Variants in TTLL5 observed in about 807,000 individuals in gnomAD.
TTLL5 encodes tubulin polyglutamylase TTLL5.
Under a neutral mutation model 168.4 loss-of-function variants are expected in TTLL5, and 132 were observed. That is an observed-to-expected ratio of 0.78 (90% confidence interval 0.68 to 0.91). The LOEUF is 0.91. Among genes scored for constraint, TTLL5 ranks in the 40% least tolerant of loss-of-function variants. The pLI is 0.00. For synonymous variants in TTLL5, 546 were observed against 558.6 expected, an observed-to-expected ratio of 0.98 and a Z score of 0.32; for missense variants, 1,545 against 1,581.5, an observed-to-expected ratio of 0.98 and a Z score of 0.39.
intron 31 of TTLL5, among the ~76,000 whole-genome samples, chr14:75,914,033 A>ATATATATATATATATATATATATATAT (rs1555356334): frequency 2.8e-5 from 2 of 71,118 alleles, no homozygotes; most frequent in African/African-American, 3.1e-4. Flanking sequence ...AAAAAAAAAA[A>ATATATATATATATATATATATATATAT]ATATATATAT....
At chr14:75,893,351 G>A (rs2032495196) in intron 30 of TTLL5, among the ~76,000 whole-genome samples, 1 of 152,178 alleles carries the variant, frequency 6.6e-6, no homozygotes, top group Non-Finnish European at 1.5e-5. Context: ...ATTAAGCGTA[G>A]AGAGAAGTCT....
chr14:75,911,397 A>G (rs1349608118), intron 31 of TTLL5, among the ~76,000 whole-genome samples: 1 of 152,178 alleles, frequency 6.6e-6, no homozygotes, highest in Non-Finnish European at 1.5e-5. Flanking sequence ...CTTCGCTATA[A>G]TAAAACATAG....
intron 15 of TTLL5, among the ~76,000 whole-genome samples, chr14:75,742,059 CCT>C (rs1889307884): frequency 6.6e-6 from 1 of 151,874 alleles, no homozygotes. Flanking sequence ...TGATTTGACC[CCT>C]GTTCTTTTAA....
At chr14:75,830,841 C>G (rs1156722607) in intron 28 of TTLL5, among the ~76,000 whole-genome samples, 1 of 152,172 alleles carries the variant, frequency 6.6e-6, no homozygotes, top group Non-Finnish European at 1.5e-5. Flanking sequence ...TCACACAGGG[C>G]TCAGTTTATT....
At chr14:75,920,695 G>T (rs2033795524) in intron 31 of TTLL5, among the ~76,000 whole-genome samples, 1 of 152,156 alleles carries the variant, frequency 6.6e-6, no homozygotes, top group Admixed American at 6.5e-5. Context: ...TGTGAATAGT[G>T]CTGCAGTAAA....
chr14:75,951,750 C>T (rs1358044384), intron 31 of TTLL5, among the ~76,000 whole-genome samples: 2 of 152,188 alleles, frequency 1.3e-5, no homozygotes, highest in East Asian at 1.9e-4. Context: ...GGCGACAGAG[C>T]GAAACCCTGT....
intron 3 of TTLL5, among the ~76,000 whole-genome samples, chr14:75,675,144 A>G (rs1265400323): frequency 6.6e-6 from 1 of 152,224 alleles, no homozygotes; most frequent in Non-Finnish European, 1.5e-5. Context: ...AATTTAAATT[A>G]ACTAAAGTTA....
chr14:75,880,129 C>G (rs980237856), intron 29 of TTLL5, among the ~76,000 whole-genome samples: 2 of 151,852 alleles, frequency 1.3e-5, no homozygotes, highest in Non-Finnish European at 2.9e-5. Context: ...TTGTTCTGTG[C>G]AGATACTAGG....
At chr14:75,895,525 T>C (rs910791154) in intron 30 of TTLL5, among the ~76,000 whole-genome samples, 1 of 151,892 alleles carries the variant, frequency 6.6e-6, no homozygotes, top group Non-Finnish European at 1.5e-5. Context: ...GAGGTTTTTT[T>C]TTAAAAAAAA....
intron 12 of TTLL5, among the ~76,000 whole-genome samples, chr14:75,723,372 T>G (rs1223490839): frequency 6.6e-6 from 1 of 152,158 alleles, no homozygotes; most frequent in Admixed American, 6.5e-5. Flanking sequence ...ATGGATCTGG[T>G]TTGGTAATGG....
chr14:75,890,213 T>C (rs2032333037), intron 30 of TTLL5, among the ~76,000 whole-genome samples: 1 of 152,180 alleles, frequency 6.6e-6, no homozygotes, highest in Admixed American at 6.5e-5. Context: ...GGCCGCATAT[T>C]TGTCATAACT....
intron 21 of TTLL5, among the ~76,000 whole-genome samples, chr14:75,773,078 C>T (rs925723788): frequency 1.3e-5 from 2 of 152,102 alleles, no homozygotes; most frequent in Non-Finnish European, 2.9e-5. Context: ...AATTTTTAGT[C>T]CTCCACATAC....
chr14:75,745,506 G>T lies in TTLL5; in HGVS notation c.1412G>T (p.Arg471Met). Residue 471 changes from arginine to methionine, a missense_variant, in exon 17 of 32, where the codon AGG (arginine) becomes ATG (methionine). Arg to Met is a moderately conservative substitution (Grantham distance 91). Transcript: ENST00000298832. ...TTCATCTAGATCAAAGTTTTACGAA[G>T]GGTGAAGGAGGAGAATGATCGGCGA... is the stretch of plus-strand genomic sequence containing the variant. ...LSMEEIKVLR[R>M]VKEENDRRGG... 6.2e-7 allele frequency: 1 copy of T among 1,613,940 alleles called. No individual in the cohort carries two copies.
At chr14:75,922,601 C>A (rs2033865972) in intron 31 of TTLL5, among the ~76,000 whole-genome samples, 1 of 152,110 alleles carries the variant, frequency 6.6e-6, no homozygotes, top group Non-Finnish European at 1.5e-5. Context: ...GGTGGATAAG[C>A]TTTTTGATGT....
At chr14:75,696,248 C>G (rs898798447) in intron 6 of TTLL5, among the ~76,000 whole-genome samples, 47 of 152,170 alleles carry the variant, frequency 3.1e-4, no homozygotes, top group Middle Eastern at 3.4e-3. Context: ...TTTTATAACT[C>G]TCATTGCCTG....
At chr14:75,799,583 G>A (rs61980810) in intron 27 of TTLL5, among the ~76,000 whole-genome samples, 15,280 of 152,170 alleles carry the variant, frequency 0.1, 935 homozygotes, top group Non-Finnish European at 0.13. Context: ...TGTGCTTTAT[G>A]GAGGTTCTAT....
rs1402071786 is a variant in TTLL5 at position 75,764,750 on chromosome 14, G to A, written c.1686G>A (p.Arg562=). 3.1e-6 allele frequency: 5 copies of A among 1,613,936 alleles called. No individual in the cohort carries two copies. In the Admixed American group the frequency reaches 8.3e-5, roughly 27 times the overall value. Residue 562 remains arginine (R), a synonymous_variant, in exon 19 of 32, where the codon AGG becomes AGA. Coordinates refer to ENST00000298832, the MANE Select transcript of TTLL5 (RefSeq NM_015072.5). ...GTAGACGACGGAGTAGCAGATTGAGGGCAATGAGGCCAAAATACCCAGGTA... is the reference window on the plus strand; with the variant it reads ...GTAGACGACGGAGTAGCAGATTGAGAGCAATGAGGCCAAAATACCCAGGTA... ...RKRRRRSSRL[R]AMRPKYPVIT... is the part of the protein sequence containing the mutation.
chr14:75,840,417 C>T (rs561436456), intron 28 of TTLL5, among the ~76,000 whole-genome samples: 5 of 152,054 alleles, frequency 3.3e-5, no homozygotes, highest in Admixed American at 3.3e-4. Flanking sequence ...CCTGACAGGC[C>T]CCGGTGTGTG....
chr14:75,873,393 T>G (rs187028094), intron 29 of TTLL5, among the ~76,000 whole-genome samples: 57 of 152,318 alleles, frequency 3.7e-4, no homozygotes, highest in Admixed American at 7.2e-4. Context: ...TTTTTTATAT[T>G]GCATGACTGA....
Sources: gnomAD v4.1 joint callset for allele counts (sites outside exome capture counted in the v4.1 genomes callset) on GRCh38, gnomAD v4.1.1 for gene constraint, MANE v1.5 for transcripts, NCBI Gene and HGNC (gene_info 2026-07-23, HGNC 2026-07-21) for gene names.